CDH8: variants seen among roughly 807,000 people sequenced by gnomAD.
CDH8 encodes the protein cadherin-8.
Under a neutral mutation model 68.1 loss-of-function variants are expected in CDH8, and 17 were observed. The ratio of observed to expected loss-of-function variants is 0.25; its 90% CI spans 0.17 to 0.37. CDH8 has a LOEUF of 0.37. Among genes scored for constraint, CDH8 ranks in the 10% least tolerant of loss-of-function variants. The pLI, the probability that CDH8 is intolerant of heterozygous loss-of-function variation, is 1.00. For missense variants in CDH8, 763 were observed against 999.3 expected, an observed-to-expected ratio of 0.76 and a Z score of 3.19; for synonymous variants, 372 against 365.1, an observed-to-expected ratio of 1.02 and a Z score of -0.21.
chr16:61,883,835 G>A (rs1198982180), intron 3 of CDH8, among the ~76,000 whole-genome samples: 2 of 152,056 alleles, frequency 1.3e-5, no homozygotes, highest in African/African-American at 4.8e-5. Flanking sequence ...TTCACTATCT[G>A]TTATTGCAGG....
intron 3 of CDH8, among the ~76,000 whole-genome samples, chr16:61,893,947 GTAATCAT>G (rs1418487972): frequency 6.6e-6 from 1 of 152,138 alleles, no homozygotes; most frequent in Non-Finnish European, 1.5e-5. Context: ...AGCTCTCATA[GTAATCAT>G]TAATTCAGCC....
chr16:61,797,858 A>G (rs1596976487), intron 7 of CDH8, among the ~76,000 whole-genome samples: 1 of 152,294 alleles, frequency 6.6e-6, no homozygotes, highest in East Asian at 1.9e-4. Flanking sequence ...TCTTTACATT[A>G]TTTAGGGTAA....
chr16:62,029,317 T>TG (rs371972341), intron 1 of CDH8, among the ~76,000 whole-genome samples: 268 of 152,358 alleles, frequency 1.8e-3, no homozygotes, highest in African/African-American at 6.1e-3. Context: ...TGTACTTCAG[T>TG]GGGGAAAATT....
intron 9 of CDH8, among the ~76,000 whole-genome samples, chr16:61,720,600 C>T (rs1431044255): frequency 6.6e-6 from 1 of 150,756 alleles, no homozygotes; most frequent in Non-Finnish European, 1.5e-5. Flanking sequence ...AGTAAAACTT[C>T]GAAAGGTTTA....
At chr16:61,981,495 A>G (rs1206088766) in intron 2 of CDH8, among the ~76,000 whole-genome samples, 1 of 152,206 alleles carries the variant, frequency 6.6e-6, no homozygotes, top group African/African-American at 2.4e-5. Context: ...ATACAGGGAA[A>G]GAGTCTCTAG....
intron 7 of CDH8, among the ~76,000 whole-genome samples, chr16:61,810,475 GGAGAGAGA>G (rs143810797): frequency 1.2e-3 from 187 of 150,060 alleles, no homozygotes; most frequent in African/African-American, 3.7e-3. Flanking sequence ...TAGTCAGAGA[GGAGAGAGA>G]GAGAGAGAGA....
chr16:61,656,614 C>A (rs1184940568), intron 10 of CDH8, among the ~76,000 whole-genome samples: 1 of 152,124 alleles, frequency 6.6e-6, no homozygotes, highest in Non-Finnish European at 1.5e-5. Context: ...CATTAAAATT[C>A]TGTAGAGAAG....
chr16:61,897,700 G>A (rs192459956), intron 3 of CDH8, among the ~76,000 whole-genome samples: 11 of 152,214 alleles, frequency 7.2e-5, no homozygotes, highest in Admixed American at 5.9e-4. Flanking sequence ...AAAGTGTGCT[G>A]TATGTTTTGT....
At chr16:61,818,525 C>T in intron 6 of CDH8, among the ~76,000 whole-genome samples, 1 of 152,142 alleles carries the variant, frequency 6.6e-6, no homozygotes, top group Non-Finnish European at 1.5e-5. Flanking sequence ...CTCATTGCAC[C>T]ATTACTGACA....
intron 10 of CDH8, among the ~76,000 whole-genome samples, chr16:61,658,271 A>G (rs936981368): frequency 2.0e-5 from 3 of 152,096 alleles, no homozygotes; most frequent in South Asian, 4.1e-4. Context: ...TGTTGTAAAT[A>G]TCTTCTACAA....
intron 2 of CDH8, among the ~76,000 whole-genome samples, chr16:61,955,132 C>T (rs1185395465): frequency 6.6e-6 from 1 of 152,214 alleles, no homozygotes; most frequent in Non-Finnish European, 1.5e-5. Context: ...TATTGATATT[C>T]ATATAACAAA....
Position 61,911,625 on chromosome 16 carries a change from C to A in CDH8, c.253-10152G>T, listed in dbSNP as rs897992320. Among the ~76,000 whole-genome samples the A allele has an allele frequency of 1.3e-4, 9 of 67,538 alleles. No homozygotes were observed. The East Asian group carries it at 1.7e-3, about 13-fold the overall frequency. The allele number at this position is 67,538 out of a possible 152,430, so 44.3% of individuals were successfully genotyped here. On this transcript the variant is annotated intron_variant, in intron 2 of 11. Coordinates refer to ENST00000577390, the MANE Select transcript of CDH8 (RefSeq NM_001796.5). ...ATATCTCTTTATGAATTCCCTAAAC[C>A]CCCCCCCACCACCTCTCTCTCTTTT...
intron 7 of CDH8, among the ~76,000 whole-genome samples, chr16:61,812,720 G>A (rs1038549112): frequency 7.2e-5 from 11 of 152,130 alleles, no homozygotes; most frequent in African/African-American, 2.4e-4. Context: ...TGTCTGTCAC[G>A]AAGTATGGGC....
At chr16:61,809,627 T>C (rs965875240) in intron 7 of CDH8, among the ~76,000 whole-genome samples, 23 of 152,074 alleles carry the variant, frequency 1.5e-4, no homozygotes, top group African/African-American at 5.6e-4. Context: ...AAGGTGAAAT[T>C]TATATAGTCA....
rs1348187009 is a variant in CDH8 at position 61,919,017 on chromosome 16, G to A, written c.253-17544C>T. On this transcript the variant is annotated intron_variant, in intron 2 of 11. Coordinates refer to ENST00000577390, the MANE Select transcript of CDH8 (RefSeq NM_001796.5). ...AAGTGGGTCCCTGACCCTGACCCCC[G>A]AGCAGCCTAACTGGGAGGCACCCCC... Among the ~76,000 whole-genome samples the A allele has an allele frequency of 3.4e-5, 5 of 147,404 alleles. 1 individual carries two copies. Among genetic ancestry groups the A allele is most frequent in the Middle Eastern group, 3.4e-3 (1 of 294 alleles).
At chr16:61,842,999 G>A (rs1962721178) in intron 4 of CDH8, among the ~76,000 whole-genome samples, 1 of 152,046 alleles carries the variant, frequency 6.6e-6, no homozygotes, top group Non-Finnish European at 1.5e-5. Flanking sequence ...TGTAGCAAAT[G>A]TTCAGAAACC....
intron 7 of CDH8, among the ~76,000 whole-genome samples, chr16:61,794,505 T>G (rs1961453257): frequency 6.6e-6 from 1 of 152,102 alleles, no homozygotes; most frequent in South Asian, 2.1e-4. Context: ...ACAGCTTTAG[T>G]GTCAGCATTA....
intron 7 of CDH8, among the ~76,000 whole-genome samples, chr16:61,802,784 T>C (rs1249073975): frequency 1.5e-5 from 2 of 130,458 alleles, no homozygotes; most frequent in African/African-American, 6.1e-5. Context: ...TAAAAAGAAA[T>C]GAGCAAAGCC....
At chr16:61,846,437 A>C (rs1299713926) in intron 4 of CDH8, among the ~76,000 whole-genome samples, 1 of 152,134 alleles carries the variant, frequency 6.6e-6, no homozygotes, top group Non-Finnish European at 1.5e-5. Flanking sequence ...ATAAGTATCT[A>C]TTCACTTAAT....
Sources: allele counts gnomAD v4.1 joint callset (sites outside exome capture counted in the v4.1 genomes callset), GRCh38; gene constraint gnomAD v4.1.1; transcripts MANE v1.5; gene names NCBI Gene and HGNC (gene_info 2026-07-23, HGNC 2026-07-21).